Variants in CCDC144A observed in about 807,000 individuals in gnomAD.
CCDC144A encodes the protein coiled-coil domain containing 144A.
CCDC144A carries 41 observed loss-of-function variants against 143.8 expected under a neutral mutation model. That is an observed-to-expected ratio of 0.29 (90% CI 0.22 to 0.37). The LOEUF (loss-of-function observed/expected upper bound fraction) is 0.37. CCDC144A is among the 10% of genes least tolerant of loss of function. CCDC144A has a pLI of 1.00. For missense variants in CCDC144A, 637 were observed against 1,488.8 expected (o/e 0.43, Z 9.41); for synonymous variants, 242 against 517.9 (o/e 0.47, Z 7.23).
chr17:16,698,397 A>G (rs969657608), intron 2 of CCDC144A, among the ~76,000 whole-genome samples: 7 of 152,112 alleles, frequency 4.6e-5, no homozygotes, highest in Non-Finnish European at 1.0e-4. Context: ...CTAAAGAACA[A>G]TCATAGAGTT....
rs2543921 is a variant in CCDC144A, at chr17:16,698,936, C to G, written c.415+5887C>G. Among the ~76,000 whole-genome samples, 482 of 152,298 alleles carry G rather than the reference C, an allele frequency of 3.2e-3. 6 individuals carry two copies. Among genetic ancestry groups the G allele is most frequent in the African/African-American group, 0.011 (457 of 41,562 alleles). ...AGTTCTCAGTACTTGGGGTTTTGGT[C>G]ACATCAGGAGAAAAGTCAGTGCCTG... is the stretch of plus-strand genomic sequence containing the variant. On this transcript the variant is annotated intron_variant, in intron 2 of 16. Coordinates refer to ENST00000399273, the MANE Select transcript of CCDC144A (RefSeq NM_001382000.1).
chr17:16,729,014 G>A (rs555626902), intron 9 of CCDC144A, among the ~76,000 whole-genome samples: 2 of 152,026 alleles, frequency 1.3e-5, no homozygotes, highest in African/African-American at 2.4e-5. Context: ...GGTTGATTCC[G>A]TATCTTCGCA....
intron 6 of CCDC144A, among the ~76,000 whole-genome samples, chr17:16,713,270 G>A (rs1223875603): frequency 1.3e-5 from 2 of 151,196 alleles, no homozygotes; most frequent in Non-Finnish European, 2.9e-5. Flanking sequence ...TGCTCCACAA[G>A]CACCAATTTG....
At chr17:16,670,291 CTTTTTTT>C in the CCDC144A span, among the ~76,000 whole-genome samples, 10 of 127,860 alleles carry the variant, frequency 7.8e-5, no homozygotes, top group African/African-American at 1.5e-4. Flanking sequence ...TTTCTTTTTT[CTTTTTTT>C]TTTTTTTTTG....
At chr17:16,753,976 G>T (rs555221246) in intron 12 of CCDC144A, among the ~76,000 whole-genome samples, 1 of 152,292 alleles carries the variant, frequency 6.6e-6, no homozygotes, top group South Asian at 2.1e-4. Flanking sequence ...ACCTTTCTTT[G>T]TTGGTAAACT....
Position 16,764,224 on chromosome 17 carries a change from G to A in CCDC144A, c.4098+49G>A, listed in dbSNP as rs746987631. Reference sequence around the variant, plus strand: ...CGTTCAGATTTCTGATAGAATTCTTGTATGTTATTTGGTAAAATAGTTACT... The same window carrying A: ...CGTTCAGATTTCTGATAGAATTCTTATATGTTATTTGGTAAAATAGTTACT... On this transcript the variant is annotated intron_variant, in intron 15 of 16. Coordinates refer to ENST00000399273, the MANE Select transcript of CCDC144A (RefSeq NM_001382000.1). 3.1e-5 allele frequency: 48 copies of A among 1,571,694 alleles called. No individual in the cohort carries two copies. In the African/African-American group the frequency reaches 6.1e-4, roughly 20 times the overall value.
At chr17:16,704,670 A>G (rs1299312462) in intron 2 of CCDC144A, among the ~76,000 whole-genome samples, 1 of 152,048 alleles carries the variant, frequency 6.6e-6, no homozygotes, top group Non-Finnish European at 1.5e-5. Flanking sequence ...CAAGTATTTG[A>G]AAGGAAATTC....
intron 6 of CCDC144A, among the ~76,000 whole-genome samples, chr17:16,717,039 G>T (rs1912803853): frequency 6.6e-6 from 1 of 150,818 alleles, no homozygotes; most frequent in Admixed American, 6.6e-5. Context: ...CTGACCTCAT[G>T]ATCCGCCCGC....
chr17:16,769,233 G>A (rs1392355818), intron 15 of CCDC144A, among the ~76,000 whole-genome samples: 1 of 152,170 alleles, frequency 6.6e-6, no homozygotes, highest in Non-Finnish European at 1.5e-5. Flanking sequence ...AGCCAAGCAA[G>A]CACACTGTGT....
chr17:16,707,169 G>A (rs1210037932), intron 3 of CCDC144A: 2 of 293,376 alleles, frequency 6.8e-6, no homozygotes, highest in East Asian at 8.3e-5. Context: ...CCAAAATTTT[G>A]TTTTGTTTGT....
intron 14 of CCDC144A, among the ~76,000 whole-genome samples, chr17:16,763,665 G>T (rs888828796): frequency 6.6e-6 from 1 of 152,190 alleles, no homozygotes; most frequent in East Asian, 1.9e-4. Context: ...AGTCATTCCA[G>T]ATGGGCAACA....
chr17:16,731,219 A>G (rs186433294), intron 9 of CCDC144A: 1 of 152,136 alleles, frequency 6.6e-6, no homozygotes, highest in Non-Finnish European at 1.5e-5. Flanking sequence ...GTGTTACCCA[A>G]AAGAGAAACA....
upstream of CCDC144A, among the ~76,000 whole-genome samples, chr17:16,684,579 G>A (rs528015970): frequency 3.3e-5 from 5 of 151,950 alleles, no homozygotes; most frequent in African/African-American, 1.2e-4. Flanking sequence ...CACTTGACCT[G>A]GGAGGCTGAA....
At position 16,695,173 on chromosome 17, in the gene CCDC144A, T is replaced by C. The variant is rs114102884; in HGVS notation, c.415+2124T>C. On this transcript the variant is annotated intron_variant, in intron 2 of 16. Coordinates refer to ENST00000399273, the MANE Select transcript of CCDC144A (RefSeq NM_001382000.1). ...TAGAGCTTTCTCTATTTAACTTCTG[T>C]GTTTTTTTCAACAGAATTTTCAAGG... 2.6e-3 allele frequency: 402 copies of C among 152,384 alleles called. 3 individuals are homozygous for C. The highest frequency in any genetic ancestry group is 9.4e-3 in the African/African-American group (391 of 41,596). 9.4% of individuals were successfully genotyped at this position (152,384 alleles called of 1,614,324 possible).
At chr17:16,704,162 T>A (rs901923317) in intron 2 of CCDC144A, among the ~76,000 whole-genome samples, 45 of 152,100 alleles carry the variant, frequency 3.0e-4, no homozygotes, top group African/African-American at 1.0e-3. Context: ...CTTAAAAAAT[T>A]TAAATCTCAG....
chr17:16,730,730 T>TTTGTTG (rs751915734), intron 9 of CCDC144A, among the ~76,000 whole-genome samples: 14 of 134,238 alleles, frequency 1.0e-4, no homozygotes, highest in Non-Finnish European at 1.7e-4. Flanking sequence ...TTCCTAGGTT[T>TTTGTTG]TTGTTGTTGT....
intron 12 of CCDC144A, among the ~76,000 whole-genome samples, chr17:16,747,454 A>C (rs1357824351): frequency 3.3e-5 from 5 of 152,362 alleles, no homozygotes; most frequent in African/African-American, 1.2e-4. Context: ...GCTGTGAAAA[A>C]TGACATTAGT....
At position 16,708,821 on chromosome 17, in the gene CCDC144A, C is replaced by G; in HGVS notation, c.764C>G (p.Ala255Gly). The change falls in exon 5 of 17, where the codon GCT (alanine) becomes GGT (glycine). Residue 255 changes from alanine (A) to glycine (G), a missense_variant. Ala to Gly is a moderately conservative substitution (Grantham distance 60). Coordinates refer to ENST00000399273, the MANE Select transcript of CCDC144A (RefSeq NM_001382000.1). ...AAAACGTCTCAAGAACCAGAAATGG[C>G]TAAGGATTGCGATAGAGAGGATATA... ...PQKTSQEPEM[A>G]KDCDREDIPI... The G allele has an allele frequency of 6.2e-7, 1 of 1,611,768 alleles. No individual in the cohort carries two copies. Among genetic ancestry groups the G allele is most frequent in the Non-Finnish European group, 8.5e-7 (1 of 1,179,738 alleles).
chr17:16,695,318 T>G (rs1224761884), intron 2 of CCDC144A: 1 of 152,212 alleles, frequency 6.6e-6, no homozygotes, highest in Non-Finnish European at 1.5e-5. Context: ...GCCAGCACAG[T>G]GGTGCATGCC....
Sources: gnomAD v4.1 joint callset for allele counts (sites outside exome capture counted in the v4.1 genomes callset) on GRCh38, gnomAD v4.1.1 for gene constraint, MANE v1.5 for transcripts, NCBI Gene and HGNC (gene_info 2026-07-23, HGNC 2026-07-21) for gene names.